THEMIS: variants seen among roughly 807,000 people sequenced by gnomAD.
The protein encoded by THEMIS is protein THEMIS.
Under a neutral mutation model 52.6 loss-of-function variants are expected in THEMIS, and 37 were observed. That is an observed-to-expected ratio of 0.70 (90% CI 0.54 to 0.93). THEMIS has a LOEUF of 0.93. THEMIS is among the 40% of genes least tolerant of loss of function. The pLI is 0.00. For synonymous variants in THEMIS, 292 were observed against 272.7 expected (o/e 1.07, Z -0.70); for missense variants, 808 against 763.1 (o/e 1.06, Z -0.69).
intron 1 of THEMIS, among the ~76,000 whole-genome samples, chr6:127,910,476 C>T (rs1038208359): frequency 1.3e-5 from 2 of 152,058 alleles, no homozygotes; most frequent in East Asian, 1.9e-4. Flanking sequence ...ATATTTTTAT[C>T]CATTCCCACA....
intron 1 of THEMIS, among the ~76,000 whole-genome samples, chr6:127,859,349 C>T (rs112698414): frequency 6.6e-6 from 1 of 152,064 alleles, no homozygotes; most frequent in Non-Finnish European, 1.5e-5. Context: ...GCACTTCATG[C>T]GTATCTCCAT....
At chr6:127,838,141 A>G (rs1778931657) in intron 2 of THEMIS, among the ~76,000 whole-genome samples, 3 of 152,084 alleles carry the variant, frequency 2.0e-5, no homozygotes, top group Admixed American at 6.6e-5. Flanking sequence ...ATCTCTGTAC[A>G]TGCATAAGAT....
chr6:127,789,985 C>G (rs971522604), intron 4 of THEMIS, among the ~76,000 whole-genome samples: 4 of 152,228 alleles, frequency 2.6e-5, no homozygotes, highest in African/African-American at 9.6e-5. Flanking sequence ...GATGCCCTGT[C>G]TCACCACTCC....
intron 4 of THEMIS, among the ~76,000 whole-genome samples, chr6:127,751,244 TAG>T (rs1562234459): frequency 1.3e-5 from 2 of 151,910 alleles, no homozygotes; most frequent in South Asian, 2.1e-4. Context: ...AGTAAAAATG[TAG>T]AGTTTTTCTT....
chr6:127,737,896 T>C (rs1775061366), intron 4 of THEMIS, among the ~76,000 whole-genome samples: 1 of 152,188 alleles, frequency 6.6e-6, no homozygotes, highest in South Asian at 2.1e-4. Context: ...CACATAATCT[T>C]AGATACTGTT....
At chr6:127,885,580 A>AAAG (rs4053242) in intron 1 of THEMIS, among the ~76,000 whole-genome samples, 80,040 of 151,664 alleles carry the variant, frequency 0.53, 21,993 homozygotes, top group East Asian at 0.79. Context: ...AGAAGAAAGA[A>AAAG]AAGGAAGAAA....
chr6:127,704,130 T>C (rs953682519), downstream of THEMIS, among the ~76,000 whole-genome samples: 1 of 152,196 alleles, frequency 6.6e-6, no homozygotes, highest in African/African-American at 2.4e-5. Flanking sequence ...TTCCAACATA[T>C]GAATTTTGGA....
At chr6:127,905,096 G>T (rs1226021641), upstream of THEMIS, among the ~76,000 whole-genome samples, 1 of 152,002 alleles carries the variant, frequency 6.6e-6, no homozygotes, top group Admixed American at 6.6e-5. Flanking sequence ...AGAGATAATA[G>T]CTGAAGATTT....
chr6:127,798,250 A>T (rs1262723455), intron 4 of THEMIS, among the ~76,000 whole-genome samples: 1 of 152,246 alleles, frequency 6.6e-6, no homozygotes, highest in Admixed American at 6.5e-5. Context: ...GTGTATATTT[A>T]TATGCAAACA....
chr6:127,774,696 G>C (rs1271657320), intron 4 of THEMIS, among the ~76,000 whole-genome samples: 2 of 152,162 alleles, frequency 1.3e-5, no homozygotes, highest in African/African-American at 4.8e-5. Flanking sequence ...AGCCAAGGAT[G>C]ATGCATTTTC....
chr6:127,699,088 G>T, the THEMIS span, among the ~76,000 whole-genome samples: 2 of 151,664 alleles, frequency 1.3e-5, no homozygotes, highest in African/African-American at 4.8e-5. Context: ...CAATAAAAAA[G>T]AGTTAGACTT....
intron 4 of THEMIS, among the ~76,000 whole-genome samples, chr6:127,746,410 T>C (rs1334756350): frequency 6.6e-6 from 1 of 151,580 alleles, no homozygotes; most frequent in Non-Finnish European, 1.5e-5. Flanking sequence ...TATATTCCTA[T>C]AGTATCTAGC....
chr6:127,798,217 G>T (rs143586388), intron 4 of THEMIS, among the ~76,000 whole-genome samples: 1 of 151,974 alleles, frequency 6.6e-6, no homozygotes, highest in Non-Finnish European at 1.5e-5. Flanking sequence ...CTAAAATAGC[G>T]TGCCTTACTC....
At chr6:127,699,731 G>A in the THEMIS span, among the ~76,000 whole-genome samples, 1 of 142,286 alleles carries the variant, frequency 7.0e-6, no homozygotes, top group East Asian at 1.9e-4. Flanking sequence ...TCTATTTGGG[G>A]AAAAAAGGAA....
At chr6:127,916,831 G>A (rs771593001) in intron 1 of THEMIS, among the ~76,000 whole-genome samples, 1 of 152,162 alleles carries the variant, frequency 6.6e-6, no homozygotes, top group Admixed American at 6.5e-5. Context: ...AATTATTTCC[G>A]ATTGCTTTGA....
chr6:127,701,213 AC>A, the THEMIS span, among the ~76,000 whole-genome samples: 1 of 152,152 alleles, frequency 6.6e-6, no homozygotes, highest in East Asian at 1.9e-4. Flanking sequence ...ACCATAAAGC[AC>A]TGTTGCCTTT....
intron 1 of THEMIS, among the ~76,000 whole-genome samples, 160 bp from the exon 2 acceptor site, chr6:127,855,348 AG>A (rs1583357742): frequency 6.6e-6 from 1 of 152,126 alleles, no homozygotes; most frequent in Admixed American, 6.6e-5. Flanking sequence ...AGCATAGACC[AG>A]AAAAATATTA....
At chr6:127,877,267 T>C (rs1328619535) in intron 1 of THEMIS, among the ~76,000 whole-genome samples, 1 of 152,214 alleles carries the variant, frequency 6.6e-6, no homozygotes, top group Non-Finnish European at 1.5e-5. Context: ...GCAATAAGGC[T>C]GTTTTTCTTT....
chr6:127,699,377 T>G, the THEMIS span, among the ~76,000 whole-genome samples: 2 of 151,110 alleles, frequency 1.3e-5, no homozygotes, highest in Non-Finnish European at 3.0e-5. Flanking sequence ...AAGTAACATC[T>G]CAGATGTAAT....
Sources: gnomAD v4.1 joint callset for allele counts (sites outside exome capture counted in the v4.1 genomes callset) on GRCh38, gnomAD v4.1.1 for gene constraint, MANE v1.5 for transcripts, NCBI Gene and HGNC (gene_info 2026-07-23, HGNC 2026-07-21) for gene names.